The following PAPSS1 variants were observed in gnomAD, a reference collection of about 807,000 sequenced individuals.
PAPSS1 encodes 3'-phosphoadenosine 5'-phosphosulfate synthase 1, also known as bifunctional 3'-phosphoadenosine 5'-phosphosulfate synthase 1.
PAPSS1 carries 50 observed loss-of-function variants against 72.0 expected under a neutral mutation model. The ratio of observed to expected loss-of-function variants is 0.69; its 90% CI spans 0.55 to 0.88. The LOEUF (loss-of-function observed/expected upper bound fraction) is 0.88, where lower values mean the gene tolerates loss of function less well. PAPSS1 is among the 40% of genes least tolerant of loss of function. The probability of loss-of-function intolerance (pLI) is 0.00; values close to 1 mark genes in which losing one functional copy is unlikely to be tolerated. For missense variants in PAPSS1, 657 were observed against 782.2 expected (o/e 0.84, Z 1.91); for synonymous variants, 261 against 263.6 (o/e 0.99, Z 0.09).
chr4:107,714,836 G>C (rs1723593910), intron 1 of PAPSS1, among the ~76,000 whole-genome samples: 1 of 152,006 alleles, frequency 6.6e-6, no homozygotes, highest in Non-Finnish European at 1.5e-5. Context: ...CCCAGGCTGG[G>C]AAGCATATTG....
chr4:107,693,812 C>T lies in PAPSS1; in HGVS notation c.370G>A (p.Gly124Ser), dbSNP rs2125933498. 6.2e-7 allele frequency: 1 copy of T among 1,613,868 alleles called. No homozygotes were observed. Among genetic ancestry groups the T allele is most frequent in the Non-Finnish European group, 8.5e-7 (1 of 1,179,832 alleles). ...AEVAKLFADA[G>S]LVCITSFISP... is the part of the protein sequence containing the mutation. ...ATGAAACTTGTGATGCACACTAAGC[C>T]AGCATCTGCAAACAGTTTAGCAACT... The change falls in exon 3 of 12, where the codon GGC becomes AGC. Residue 124 changes from glycine (G) to serine (S), a missense_variant. Gly to Ser is a moderately conservative substitution (Grantham distance 56, BLOSUM62 0). Transcript: ENST00000265174.
chr4:107,672,712 G>A (rs1578412168), intron 5 of PAPSS1, among the ~76,000 whole-genome samples: 1 of 152,206 alleles, frequency 6.6e-6, no homozygotes, highest in Non-Finnish European at 1.5e-5. Flanking sequence ...CAGCTTTGAA[G>A]AGAGTAGTGG....
intron 5 of PAPSS1, among the ~76,000 whole-genome samples, chr4:107,676,702 A>G (rs1482645960): frequency 2.0e-5 from 3 of 152,204 alleles, no homozygotes; most frequent in Non-Finnish European, 4.4e-5. Flanking sequence ...TTCATATGGA[A>G]CCAAAAAAGG....
intron 5 of PAPSS1, among the ~76,000 whole-genome samples, chr4:107,673,838 CAGCTG>C (rs1366347000): frequency 6.6e-6 from 1 of 152,228 alleles, no homozygotes; most frequent in East Asian, 1.9e-4. Context: ...ATCAGACTAA[CAGCTG>C]ATCTCTCAGC....
intron 8 of PAPSS1, among the ~76,000 whole-genome samples, chr4:107,654,315 A>ATCAAACCACCCTGGTGAGGGC (rs1398634985): frequency 6.6e-6 from 1 of 152,178 alleles, no homozygotes; most frequent in African/African-American, 2.4e-5. Flanking sequence ...CTGCTTTCAC[A>ATCAAACCACCCTGGTGAGGGC]TCAAACCACC....
chr4:107,643,257 G>A (rs1282433633), intron 10 of PAPSS1, among the ~76,000 whole-genome samples: 1 of 152,168 alleles, frequency 6.6e-6, no homozygotes, highest in African/African-American at 2.4e-5. Flanking sequence ...CTGCAAGAAG[G>A]GAGCGGGCTC....
At chr4:107,705,909 G>T (rs557005722) in intron 1 of PAPSS1, among the ~76,000 whole-genome samples, 6 of 152,270 alleles carry the variant, frequency 3.9e-5, no homozygotes, top group Admixed American at 1.3e-4. Flanking sequence ...TTGTGTTTGT[G>T]AATTACAGCA....
At chr4:107,631,935 T>C (rs774245924) in intron 10 of PAPSS1, 75 bp from the exon 11 acceptor site, 3 of 820,060 alleles carry the variant, frequency 3.7e-6, no homozygotes, top group East Asian at 2.7e-5. Context: ...GGATAATAAA[T>C]GCATATGCTT....
intron 11 of PAPSS1, among the ~76,000 whole-genome samples, chr4:107,624,155 C>T (rs1330427187): frequency 6.6e-6 from 1 of 152,156 alleles, no homozygotes; most frequent in African/African-American, 2.4e-5. Flanking sequence ...TCCTTCTCAC[C>T]CAAGACCTTG....
intron 10 of PAPSS1, among the ~76,000 whole-genome samples, chr4:107,637,119 G>A (rs1726405962): frequency 6.6e-6 from 1 of 152,094 alleles, no homozygotes; most frequent in Non-Finnish European, 1.5e-5. Flanking sequence ...GATCGCTGAT[G>A]GATAAGAACC....
intron 11 of PAPSS1, among the ~76,000 whole-genome samples, chr4:107,627,787 A>C (rs911191977): frequency 7.9e-5 from 12 of 152,126 alleles, no homozygotes; most frequent in African/African-American, 2.4e-4. Flanking sequence ...TTGGTAGAAA[A>C]AATCCTTTTA....
In PAPSS1 at chr4:107,720,187, G is replaced by A. The variant is rs775143063; in HGVS notation, c.-8C>T. 1.7e-5 allele frequency: 27 copies of A among 1,600,086 alleles called. No homozygotes were observed. The East Asian group carries it at 4.6e-4, about 27-fold the overall frequency. ...GCTCCCGGGGATCTCCATGACCGCG[G>A]AGCGCGCTGAGCAGCCGGGGTTCTC... is the stretch of plus-strand genomic sequence containing the variant. On this transcript the variant is annotated 5_prime_UTR_variant, in exon 1 of 12. Coordinates refer to ENST00000265174, the MANE Select transcript of PAPSS1 (RefSeq NM_005443.5).
chr4:107,655,184 G>C (rs1243665112), intron 7 of PAPSS1, among the ~76,000 whole-genome samples: 1 of 148,876 alleles, frequency 6.7e-6, no homozygotes, highest in Non-Finnish European at 1.5e-5. Flanking sequence ...AATTACATAA[G>C]TAAAACAAAC....
intron 9 of PAPSS1, among the ~76,000 whole-genome samples, chr4:107,649,429 C>T (rs756926602): frequency 1.4e-4 from 21 of 152,256 alleles, no homozygotes; most frequent in Non-Finnish European, 2.2e-4. Context: ...TCCCTGGAAC[C>T]TCAGCAAATC....
At chr4:107,636,016 G>C (rs949531545) in intron 10 of PAPSS1, among the ~76,000 whole-genome samples, 5 of 152,136 alleles carry the variant, frequency 3.3e-5, no homozygotes, top group African/African-American at 4.8e-5. Context: ...TGAGTGCACA[G>C]TGATTACCTT....
intron 10 of PAPSS1, among the ~76,000 whole-genome samples, chr4:107,639,513 T>C (rs1040754873): frequency 6.6e-6 from 1 of 152,166 alleles, no homozygotes; most frequent in African/African-American, 2.4e-5. Context: ...TTAATGTGCT[T>C]TAATATGGGG....
chr4:107,692,793 T>C (rs1403252136), intron 3 of PAPSS1, among the ~76,000 whole-genome samples: 1 of 152,076 alleles, frequency 6.6e-6, no homozygotes, highest in East Asian at 1.9e-4. Flanking sequence ...TATATATATA[T>C]ATATCATGGA....
chr4:107,652,620 G>T lies in PAPSS1; in HGVS notation c.1237+871C>A, dbSNP rs553159852. On this transcript the variant is annotated intron_variant, in intron 9 of 11. Transcript: ENST00000265174. ...TGGATCCTCAGCACATGGCATACTGGCATATAAAGATCCAGAAACATTTTT... is the reference window on the plus strand; with the variant it reads ...TGGATCCTCAGCACATGGCATACTGTCATATAAAGATCCAGAAACATTTTT... Among the ~76,000 whole-genome samples, 7 of 152,096 alleles carry T rather than the reference G, an allele frequency of 4.6e-5. No individual in the cohort carries two copies. The South Asian group carries it at 1.2e-3, about 27-fold the overall frequency.
intron 11 of PAPSS1, among the ~76,000 whole-genome samples, chr4:107,615,890 G>T (rs563290383): frequency 6.6e-6 from 1 of 152,264 alleles, no homozygotes; most frequent in Non-Finnish European, 1.5e-5. Flanking sequence ...TAAGGACACA[G>T]CAAGAAGGCA....
Sources: gnomAD v4.1 joint callset for allele counts (sites outside exome capture counted in the v4.1 genomes callset) on GRCh38, gnomAD v4.1.1 for gene constraint, MANE v1.5 for transcripts, NCBI Gene and HGNC (gene_info 2026-07-23, HGNC 2026-07-21) for gene names.